Variants in NAA10 observed in about 807,000 individuals in gnomAD.
NAA10 encodes N-alpha-acetyltransferase 10, NatA catalytic subunit.
Under a neutral mutation model 19.2 loss-of-function variants are expected in NAA10, and 6 were observed. The observed-to-expected ratio is 0.31, with a 90% confidence interval of 0.17 to 0.62. NAA10 has a LOEUF of 0.62. Among genes scored for constraint, NAA10 ranks in the 20% least tolerant of loss-of-function variants. The pLI is 0.83. For synonymous variants in NAA10, 97 were observed against 79.9 expected (o/e 1.21, Z -1.14); for missense variants, 101 against 198.4 (o/e 0.51, Z 2.95).
At chrX:153,933,658 C>T (rs2065179807) in intron 3 of NAA10, 2 of 222,239 alleles carry the variant, frequency 9.0e-6, no homozygotes, top group East Asian at 1.8e-4. Flanking sequence ...GGCGACAGGG[C>T]AAGACTCCGT....
At position 153,929,917 on chromosome X, in the gene NAA10, A is replaced by G; in HGVS notation, c.*70T>C. The G allele has an allele frequency of 1.1e-6, 1 of 934,157 alleles. No individual in the cohort carries two copies. The highest frequency in any genetic ancestry group is 1.6e-6 in the Non-Finnish European group (1 of 644,908). 77.0% of individuals were successfully genotyped at this position (934,157 alleles called of 1,213,427 possible). A position where few individuals can be genotyped will look rare whatever the true frequency, so the allele number is the denominator to read the frequency against. On this transcript the variant is annotated 3_prime_UTR_variant, in exon 8 of 8. Coordinates refer to ENST00000464845, the MANE Select transcript of NAA10 (RefSeq NM_003491.4). The stretch of plus-strand genomic sequence containing the variant: ...TCTAAATGTGCGCGCGCTCACACAC[A>G]AAGTTCCCCAGTGCCACGGAGCGAA...
rs1657024401 is a variant in NAA10, at chrX:153,934,625, C to T, written c.22-150G>A. The T allele has an allele frequency of 5.1e-6, 3 of 593,639 alleles. No individual in the cohort carries two copies. The South Asian group carries it at 7.3e-5, about 14-fold the overall frequency. The allele number at this position is 593,639 out of a possible 1,213,427, so 48.9% of individuals were successfully genotyped here. On this transcript the variant is annotated intron_variant, in intron 1 of 7. Coordinates refer to ENST00000464845, the MANE Select transcript of NAA10 (RefSeq NM_003491.4). The stretch of plus-strand genomic sequence containing the variant: ...CTGACTTTGCACAACGCCCGGAGCA[C>T]AGGAACAGGAGTGGGCGCCCCGGAG...
chrX:153,933,649 G>A, intron 3 of NAA10: 1 of 196,828 alleles, frequency 5.1e-6, no homozygotes, highest in East Asian at 1.1e-4. Flanking sequence ...TCCAGCCTGG[G>A]CGACAGGGCA....
At position 153,930,081 on chromosome X, in the gene NAA10, C is replaced by T. The variant is rs1488037536; in HGVS notation, c.614G>A (p.Ser205Asn). The change falls in exon 8 of 8, where the codon AGT (serine) becomes AAT (asparagine). Residue 205 changes from serine (S) to asparagine (N), a missense_variant. By Grantham distance (46) the Ser-to-Asn change is conservative. This residue lies in a region of NAA10 where 58 missense variants were observed against 75.8 expected (regional missense o/e 0.77). Transcript: ENST00000464845. The part of the protein sequence containing the change: ...REEKGLAAED[S>N]GGDSKDLSEV... Reference sequence around the variant, plus strand: ...GCTGAGGTCCTTGCTGTCCCCACCACTATCCTCGGCAGCCAGGCCCTTCTC... The same window carrying T: ...GCTGAGGTCCTTGCTGTCCCCACCATTATCCTCGGCAGCCAGGCCCTTCTC... The T allele has an allele frequency of 1.7e-5, 20 of 1,208,927 alleles. No homozygotes were observed. The highest frequency in any genetic ancestry group is 2.2e-5 in the Non-Finnish European group (20 of 894,847).
At position 153,929,936 on chromosome X, in the gene NAA10, G is replaced by A; in HGVS notation, c.*51C>T. On this transcript the variant is annotated 3_prime_UTR_variant, in exon 8 of 8. Transcript: ENST00000464845. ...ACACACAAAGTTCCCCAGTGCCACGGAGCGAATTTATTGTGAAAGCTCGTG... is the reference window on the plus strand; with the variant it reads ...ACACACAAAGTTCCCCAGTGCCACGAAGCGAATTTATTGTGAAAGCTCGTG... 1 of 1,067,570 alleles carries A rather than the reference G, an allele frequency of 9.4e-7. No individual in the cohort carries two copies. The allele number at this position is 1,067,570 out of a possible 1,213,427, so 88.0% of individuals were successfully genotyped here. A position where few individuals can be genotyped will look rare whatever the true frequency, so the allele number is the denominator to read the frequency against.
chrX:153,933,703 A>G (rs2065180159), intron 3 of NAA10: 2 of 353,649 alleles, frequency 5.7e-6, no homozygotes, highest in East Asian at 4.5e-5. Flanking sequence ...TAATAGTAAC[A>G]TATCACATTC....
chrX:153,931,692 T>C, intron 6 of NAA10: 1 of 922,749 alleles, frequency 1.1e-6, no homozygotes, highest in Non-Finnish European at 1.3e-6. Context: ...CTGCTCTCTC[T>C]TGGATTCTTC....
At chrX:153,932,159 G>C in intron 5 of NAA10, 44 bp from the exon 6 acceptor site, 7 of 1,207,043 alleles carry the variant, frequency 5.8e-6, no homozygotes, top group South Asian at 1.8e-5. Flanking sequence ...GATTTGGCCA[G>C]GGAGGGGTAG....
rs782533279 is a variant in NAA10, at chrX:153,932,339, A to G, written c.318T>C (p.Tyr106=). 3.3e-6 allele frequency: 4 copies of G among 1,209,453 alleles called. No homozygotes were observed. Among genetic ancestry groups the G allele is most frequent in the East Asian group, 3.0e-5 (1 of 33,797 alleles). ...RAMIENFNAK[Y]VSLHVRKSNR... is the part of the protein sequence containing the mutation. ...ACCTCTTCCTGACATGCAGGGAGAC[A>G]TATTTGGCATTGAAGTTCTCTATCA... The change falls in exon 5 of 8, where the codon TAT becomes TAC. Residue 106 remains tyrosine, a synonymous_variant. Coordinates refer to ENST00000464845, the MANE Select transcript of NAA10 (RefSeq NM_003491.4).
At chrX:153,930,303 G>T in intron 7 of NAA10, 80 bp from the exon 8 acceptor site, 1 of 927,622 alleles carries the variant, frequency 1.1e-6, no homozygotes, top group Non-Finnish European at 1.6e-6. Context: ...TGGCCCTGTC[G>T]CTGGCTGAGG....
chrX:153,932,041 A>G, intron 6 of NAA10, 30 bp downstream of exon 6: 13 of 1,211,791 alleles, frequency 1.1e-5, no homozygotes, highest in Non-Finnish European at 1.5e-5. Flanking sequence ...GATCAACCCC[A>G]GCCCATTAGA....
At position 153,934,407 on chromosome X, in the gene NAA10, G is replaced by A. The variant is rs1603290837; in HGVS notation, c.90C>T (p.Tyr30=). Residue 30 remains tyrosine, a synonymous_variant, in exon 2 of 8, where the codon TAC becomes TAT. Transcript: ENST00000464845. The part of the protein sequence containing the change: ...LCLPENYQMK[Y]YFYHGLSWPQ... The stretch of plus-strand genomic sequence containing the variant: ...GCCAGGAAAGGCCATGGTAGAAGTA[G>A]TATTTCATCTGGTAGTTCTCGGGCA... 8.3e-7 allele frequency: 1 copy of A among 1,207,286 alleles called. No individual in the cohort carries two copies. The highest frequency in any genetic ancestry group is 3.0e-5 in the East Asian group (1 of 33,695).
chrX:153,934,705 C>T (rs1419703470), intron 1 of NAA10, 179 bp downstream of exon 1: 15 of 613,744 alleles, frequency 2.4e-5, no homozygotes, highest in Non-Finnish European at 3.5e-5. Context: ...GAGGGAATCG[C>T]AGCCCCGGCC....
At chrX:153,931,263 A>G in intron 6 of NAA10, 4 of 899,145 alleles carry the variant, frequency 4.4e-6, no homozygotes, top group Non-Finnish European at 5.5e-6. Flanking sequence ...GTGTGTGTGC[A>G]GACTCGCGTG....
At chrX:153,932,495 C>CCCACTT in intron 4 of NAA10, 44 bp downstream of exon 4, 1 of 1,198,411 alleles carries the variant, frequency 8.3e-7, no homozygotes, top group Non-Finnish European at 1.1e-6. Flanking sequence ...CCAACTAACC[C>CCCACTT]CCACTTCCAC....
Position 153,930,078 on chromosome X carries a change from C to G in NAA10, c.617G>C (p.Gly206Ala), listed in dbSNP as rs1426785003. 8 of 1,208,919 alleles carry G rather than the reference C, an allele frequency of 6.6e-6. No individual in the cohort carries two copies. Among genetic ancestry groups the G allele is most frequent in the Non-Finnish European group, 8.9e-6 (8 of 894,822 alleles). Residue 206 changes from glycine to alanine, a missense_variant, in exon 8 of 8, where the codon GGT becomes GCT. Physicochemically the swap from Gly to Ala is moderately conservative, Grantham distance 60. Transcript: ENST00000464845. ...EEKGLAAEDS[G>A]GDSKDLSEVS... is the part of the protein sequence containing the mutation. ...CTCGCTGAGGTCCTTGCTGTCCCCA[C>G]CACTATCCTCGGCAGCCAGGCCCTT... is the stretch of plus-strand genomic sequence containing the variant.
Position 153,930,858 on chromosome X carries a change from AG to A in NAA10, c.387-12del. On this transcript the variant is annotated splice_polypyrimidine_tract_variant and intron_variant, in intron 6 of 7. Coordinates refer to ENST00000464845, the MANE Select transcript of NAA10 (RefSeq NM_003491.4). Reference sequence around the variant, plus strand: ...TCCACTTCACTGATCCTGGGGGCAGAGGGTTAGAGAGCAAGGAGGAAGACCT... The same window carrying A: ...TCCACTTCACTGATCCTGGGGGCAGAGGTTAGAGAGCAAGGAGGAAGACCT... 8.3e-7 allele frequency: 1 copy of A among 1,211,533 alleles called. No individual in the cohort carries two copies. Among genetic ancestry groups the A allele is most frequent in the Non-Finnish European group, 1.1e-6 (1 of 895,429 alleles).
At position 153,929,627 on chromosome X, in the gene NAA10, G is replaced by A. The variant is rs187515476; in HGVS notation, c.*360C>T. Reference sequence around the variant, plus strand: ...TGGGAAGAGAACTGAAGGCCACCAAGAGTGGGAGCCCTGCTGTTGAGCTTT... The same window carrying A: ...TGGGAAGAGAACTGAAGGCCACCAAAAGTGGGAGCCCTGCTGTTGAGCTTT... On this transcript the variant is annotated 3_prime_UTR_variant, in exon 8 of 8. Transcript: ENST00000464845. 4.5e-3 allele frequency: 1,129 copies of A among 249,895 alleles called. 3 individuals are homozygous for A. Among genetic ancestry groups the A allele is most frequent in the Admixed American group, 7.8e-3 (121 of 15,559 alleles). 20.6% of individuals were successfully genotyped at this position (249,895 alleles called of 1,213,427 possible). A position where few individuals can be genotyped will look rare whatever the true frequency, so the allele number is the denominator to read the frequency against.
chrX:153,932,594 GAGAA>G lies in NAA10; in HGVS notation c.180-14_180-11del, dbSNP rs1242744779. Reference sequence around the variant, plus strand: ...ATCTGGGTCCTCTTCCCTGGAGAGGGAGAAAGGAGAGGCTGCAAAGGAGCTCAGT... The same window carrying G: ...ATCTGGGTCCTCTTCCCTGGAGAGGGAGGAGAGGCTGCAAAGGAGCTCAGT... On this transcript the variant is annotated splice_polypyrimidine_tract_variant and intron_variant, in intron 3 of 7. Coordinates refer to ENST00000464845, the MANE Select transcript of NAA10 (RefSeq NM_003491.4). 1 of 1,197,668 alleles carries G rather than the reference GAGAA, an allele frequency of 8.3e-7. No individual in the cohort carries two copies. Among genetic ancestry groups the G allele is most frequent in the African/African-American group, 1.8e-5 (1 of 57,129 alleles).
Sources: gnomAD v4.1 joint callset for allele counts on GRCh38, gnomAD v4.1.1 for gene constraint, gnomAD v4.1.1 regional missense constraint, MANE v1.5 for transcripts, NCBI Gene and HGNC (gene_info 2026-07-23, HGNC 2026-07-21) for gene names.